The following CRYBB2 variants were observed in gnomAD, a reference collection of about 807,000 sequenced individuals.
The protein encoded by CRYBB2 is crystallin beta B2, also known as beta-crystallin B2.
A neutral mutation model predicts 24.3 loss-of-function variants in CRYBB2; 12 were observed. The observed-to-expected ratio is 0.49, with a 90% CI of 0.32 to 0.80. The LOEUF is 0.80. CRYBB2 is among the 30% of genes least tolerant of loss of function. CRYBB2 has a pLI of 0.04. For missense variants in CRYBB2, 198 were observed against 268.5 expected, an observed-to-expected ratio of 0.74 and a Z score of 1.83; for synonymous variants, 98 against 101.6, an observed-to-expected ratio of 0.96 and a Z score of 0.21.
chr22:25,212,619 G>A (rs887204882), exon 1 of CRYBB2: 4 of 152,240 alleles, frequency 2.6e-5, no homozygotes, highest in Admixed American at 2.0e-4. Context: ...TGTAAAAGAT[G>A]CTGGCTGTGC....
chr22:25,230,339 G>T (rs1442923340), intron 5 of CRYBB2, among the ~76,000 whole-genome samples: 1 of 150,664 alleles, frequency 6.6e-6, no homozygotes, highest in Non-Finnish European at 1.5e-5. Flanking sequence ...TGCATTTTTA[G>T]TAGAGACAGG....
At chr22:25,223,098 CTTCTGGGCTT>C (rs1241813024) in intron 2 of CRYBB2, among the ~76,000 whole-genome samples, 1 of 152,176 alleles carries the variant, frequency 6.6e-6, no homozygotes, top group Non-Finnish European at 1.5e-5. Context: ...GTCCTCTGAG[CTTCTGGGCTT>C]TCAAATGCAT....
At chr22:25,227,073 T>G (rs1935431621) in intron 3 of CRYBB2, among the ~76,000 whole-genome samples, 3 of 152,324 alleles carry the variant, frequency 2.0e-5, no homozygotes, top group Admixed American at 1.3e-4. Context: ...TCCTCTTTTG[T>G]TAATGACTTA....
At chr22:25,221,044 A>G (rs1176039709) in intron 1 of CRYBB2, among the ~76,000 whole-genome samples, 1 of 152,202 alleles carries the variant, frequency 6.6e-6, no homozygotes, top group Non-Finnish European at 1.5e-5. Context: ...TATTTAAGAA[A>G]TTACTGCATA....
intron 3 of CRYBB2, among the ~76,000 whole-genome samples, chr22:25,227,128 C>T (rs1392548510): frequency 3.9e-5 from 6 of 152,296 alleles, no homozygotes; most frequent in South Asian, 2.1e-4. Flanking sequence ...CTGAAATGTT[C>T]GCCTCTGCAC....
At chr22:25,226,249 A>C (rs1038133172) in intron 3 of CRYBB2, among the ~76,000 whole-genome samples, 1 of 151,578 alleles carries the variant, frequency 6.6e-6, no homozygotes, top group Non-Finnish European at 1.5e-5. Flanking sequence ...ATAATGTTTT[A>C]TTACTCACTT....
chr22:25,218,736 GGAGAGAGAGA>G (rs71191034), upstream of CRYBB2, among the ~76,000 whole-genome samples: 5 of 35,332 alleles, frequency 1.4e-4, no homozygotes, highest in Non-Finnish European at 1.9e-4. Context: ...GAGAGAGAGG[GGAGAGAGAGA>G]GAGAGAGAGA....
chr22:25,219,489 C>G (rs1935284032), upstream of CRYBB2: 1 of 152,274 alleles, frequency 6.6e-6, no homozygotes, highest in African/African-American at 2.4e-5. Flanking sequence ...TGCAGAGACA[C>G]AATGTCTGTG....
intron 1 of CRYBB2, among the ~76,000 whole-genome samples, chr22:25,220,254 G>A (rs1192024975): frequency 6.6e-6 from 1 of 152,206 alleles, no homozygotes; most frequent in Non-Finnish European, 1.5e-5. Flanking sequence ...AGTGCTTCCG[G>A]TTTTATACAT....
chr22:25,228,854 A>G (rs1470755125), intron 4 of CRYBB2, among the ~76,000 whole-genome samples: 2 of 152,260 alleles, frequency 1.3e-5, no homozygotes, highest in Non-Finnish European at 2.9e-5. Flanking sequence ...GAGATGTAGA[A>G]ATGAAGAAAA....
chr22:25,231,724 C>A lies in CRYBB2; in HGVS notation c.570C>A (p.Ile190=). The A allele has an allele frequency of 6.2e-7, 1 of 1,614,146 alleles. No individual in the cohort carries two copies. The highest frequency in any genetic ancestry group is 8.5e-7 in the Non-Finnish European group (1 of 1,180,016). Residue 190 remains isoleucine, a synonymous_variant, in exon 6 of 6, where the codon ATC becomes ATA. Coordinates refer to ENST00000398215, the MANE Select transcript of CRYBB2 (RefSeq NM_000496.3). The stretch of plus-strand genomic sequence containing the variant: ...CCCAGGTGCAGTCCGTGCGCCGTAT[C>A]CGCGACATGCAGTGGCACCAACGTG... The part of the protein sequence containing the change: ...PHPQVQSVRR[I]RDMQWHQRGA...
upstream of CRYBB2, among the ~76,000 whole-genome samples, chr22:25,218,254 A>G (rs370128199): frequency 2.1e-4 from 25 of 118,092 alleles, no homozygotes; most frequent in East Asian, 6.7e-4. Context: ...GCGAGACTCC[A>G]TCTCAAAAAA....
At chr22:25,218,370 A>G (rs1432567209), upstream of CRYBB2, among the ~76,000 whole-genome samples, 1 of 149,768 alleles carries the variant, frequency 6.7e-6, no homozygotes, top group African/African-American at 2.5e-5. Context: ...AGTGGTTAAG[A>G]AACAGGCCGG....
intron 4 of CRYBB2, among the ~76,000 whole-genome samples, chr22:25,228,995 TGC>T (rs199948796): frequency 1.2e-4 from 18 of 150,540 alleles, no homozygotes; most frequent in African/African-American, 4.2e-4. Flanking sequence ...TGTGTGGGTG[TGC>T]GTGTGTGTGC....
chr22:25,227,408 C>T (rs556784295), intron 3 of CRYBB2, among the ~76,000 whole-genome samples: 2 of 152,050 alleles, frequency 1.3e-5, no homozygotes, highest in South Asian at 4.2e-4. Context: ...ATCTCTCTTC[C>T]TAACTTCACT....
intron 1 of CRYBB2, 81 bp from the exon 2 acceptor site, chr22:25,221,323 G>A (rs1935315525): frequency 1.2e-6 from 1 of 842,340 alleles, no homozygotes; most frequent in Non-Finnish European, 2.1e-6. Flanking sequence ...TGGGGCCAGA[G>A]GGGAGTGGTC....
At chr22:25,218,839 A>G (rs200601078), upstream of CRYBB2, among the ~76,000 whole-genome samples, 21 of 95,472 alleles carry the variant, frequency 2.2e-4, no homozygotes, top group African/African-American at 9.6e-4. Flanking sequence ...AGAAAGAAAG[A>G]GAAAGAAAGA....
In CRYBB2 at chr22:25,231,463, C is replaced by A. The variant is rs1473092053; in HGVS notation, c.450-141C>A. On this transcript the variant is annotated intron_variant, in intron 5 of 5. Coordinates refer to ENST00000398215, the MANE Select transcript of CRYBB2 (RefSeq NM_000496.3). ...GGGGTGGAAAGGGTGTCCTGCTTAC[C>A]CTTGGGAAGTGGCAATGGTTGGGAG... 8.6e-6 allele frequency: 7 copies of A among 815,278 alleles called. No homozygotes were observed. The East Asian group carries it at 1.5e-4, about 17-fold the overall frequency. The allele number at this position is 815,278 out of a possible 1,614,324, so 50.5% of individuals were successfully genotyped here.
chr22:25,222,461 TG>T (rs1307076554), intron 2 of CRYBB2, among the ~76,000 whole-genome samples: 1 of 152,076 alleles, frequency 6.6e-6, no homozygotes, highest in Non-Finnish European at 1.5e-5. Flanking sequence ...CTGGGTCAAG[TG>T]AGGAAGCGGC....
Sources: gnomAD v4.1 joint callset for allele counts (sites outside exome capture counted in the v4.1 genomes callset) on GRCh38, gnomAD v4.1.1 for gene constraint, MANE v1.5 for transcripts, NCBI Gene and HGNC (gene_info 2026-07-23, HGNC 2026-07-21) for gene names.